CD2AP: variants seen among roughly 807,000 people sequenced by gnomAD.
CD2AP encodes the protein CD2 associated protein.
A neutral mutation model predicts 85.1 loss-of-function variants in CD2AP; 46 were observed. The observed-to-expected ratio is 0.54, with a 90% confidence interval of 0.43 to 0.69. The LOEUF is 0.69. Among genes scored for constraint, CD2AP ranks in the 30% least tolerant of loss-of-function variants. CD2AP has a pLI of 0.00. For missense variants in CD2AP, 769 were observed against 729.5 expected, an observed-to-expected ratio of 1.05 and a Z score of -0.62; for synonymous variants, 255 against 252.9, an observed-to-expected ratio of 1.01 and a Z score of -0.08.
chr6:47,535,740 A>T (rs961914305), intron 3 of CD2AP, among the ~76,000 whole-genome samples: 3 of 152,196 alleles, frequency 2.0e-5, no homozygotes, highest in Non-Finnish European at 2.9e-5. Context: ...GACAAATAAC[A>T]GTTTTATATC....
intron 2 of CD2AP, among the ~76,000 whole-genome samples, chr6:47,529,103 C>T (rs1193473280): frequency 1.3e-5 from 2 of 150,292 alleles, no homozygotes; most frequent in East Asian, 3.9e-4. Flanking sequence ...TTTTCTGACT[C>T]TTTCAGCGTT....
chr6:47,583,576 C>T (rs781227070), intron 11 of CD2AP, among the ~76,000 whole-genome samples: 4 of 152,046 alleles, frequency 2.6e-5, no homozygotes, highest in African/African-American at 7.2e-5. Context: ...AAAATTTCTC[C>T]GTATGTTTTC....
chr6:47,536,006 T>C (rs779043720), intron 3 of CD2AP, among the ~76,000 whole-genome samples: 8 of 152,204 alleles, frequency 5.3e-5, no homozygotes, highest in Non-Finnish European at 1.2e-4. Context: ...TGGATGTAAA[T>C]TCTTTTCTCT....
intron 5 of CD2AP, among the ~76,000 whole-genome samples, chr6:47,566,450 A>G (rs1203995051): frequency 6.6e-6 from 1 of 151,724 alleles, no homozygotes; most frequent in Non-Finnish European, 1.5e-5. Flanking sequence ...CTTTTCAAAC[A>G]CTTTTGTCAA....
intron 11 of CD2AP, among the ~76,000 whole-genome samples, chr6:47,586,312 G>T (rs1255090431): frequency 1.3e-5 from 2 of 152,166 alleles, no homozygotes; most frequent in Non-Finnish European, 1.5e-5. Flanking sequence ...AGTGGAAACT[G>T]CAGAAGAAAA....
intron 12 of CD2AP, among the ~76,000 whole-genome samples, chr6:47,597,333 T>C (rs577440629): frequency 6.6e-6 from 1 of 150,620 alleles, no homozygotes; most frequent in African/African-American, 2.4e-5. Flanking sequence ...GCAGCTGAAC[T>C]CCTCCACTAG....
intron 11 of CD2AP, among the ~76,000 whole-genome samples, chr6:47,594,429 C>T (rs1404465102): frequency 6.6e-6 from 1 of 151,452 alleles, no homozygotes; most frequent in Non-Finnish European, 1.5e-5. Flanking sequence ...TCCATGTATT[C>T]TTTTTTTTAG....
chr6:47,577,802 T>C (rs1320989750), intron 8 of CD2AP, among the ~76,000 whole-genome samples: 1 of 151,878 alleles, frequency 6.6e-6, no homozygotes, highest in Non-Finnish European at 1.5e-5. Context: ...GGTCTCAAAC[T>C]CTTGAGCTCA....
chr6:47,557,724 G>C (rs891171628), intron 5 of CD2AP, among the ~76,000 whole-genome samples: 1 of 152,160 alleles, frequency 6.6e-6, no homozygotes, highest in African/African-American at 2.4e-5. Flanking sequence ...TTTGGTTACT[G>C]TAGCCTTGTA....
Position 47,577,045 on chromosome 6 carries a change from G to T in CD2AP, c.845G>T (p.Gly282Val). 1 of 1,531,130 alleles carries T rather than the reference G, an allele frequency of 6.5e-7. No individual in the cohort carries two copies. Among genetic ancestry groups the T allele is most frequent in the Non-Finnish European group, 9.1e-7 (1 of 1,104,800 alleles). The allele number at this position is 1,531,130 out of a possible 1,614,324, so 94.8% of individuals were successfully genotyped here. A position where few individuals can be genotyped will look rare whatever the true frequency, so the allele number is the denominator to read the frequency against. Residue 282 changes from glycine (G) to valine (V), a missense_variant, in exon 8 of 18, where the codon GGT becomes GTT. Transcript: ENST00000359314. ...TGTAGAACATTATTTGCCTATGAAG[G>T]TACTAATGAAGATGAACTTACTTTT... ...EYCRTLFAYE[G>V]TNEDELTFKE...
intron 4 of CD2AP, 131 bp from the exon 5 acceptor site, chr6:47,554,515 T>G (rs1312735027): frequency 1.1e-5 from 9 of 828,170 alleles, no homozygotes; most frequent in Non-Finnish European, 1.7e-5. Flanking sequence ...TCATTGTGTT[T>G]TAAATTTTAA....
intron 14 of CD2AP, among the ~76,000 whole-genome samples, chr6:47,607,693 A>G (rs940405346): frequency 6.6e-6 from 1 of 152,092 alleles, no homozygotes; most frequent in African/African-American, 2.4e-5. Flanking sequence ...GTACTTTTAA[A>G]ATTACCTAAA....
chr6:47,582,274 G>T (rs889531094), intron 11 of CD2AP: 5 of 478,470 alleles, frequency 1.0e-5, no homozygotes, highest in Non-Finnish European at 1.9e-5. Flanking sequence ...CTATTCAGTA[G>T]GATGTTGTCT....
At chr6:47,599,174 G>GAAAC (rs1769035804) in intron 12 of CD2AP, 127 bp from the exon 13 acceptor site, 8 of 688,200 alleles carry the variant, frequency 1.2e-5, no homozygotes, top group African/African-American at 5.4e-5. Context: ...TGCGTTTATG[G>GAAAC]AAATGGTTTT....
At chr6:47,551,825 A>G (rs1229982962) in intron 4 of CD2AP, among the ~76,000 whole-genome samples, 1 of 152,158 alleles carries the variant, frequency 6.6e-6, no homozygotes, top group Non-Finnish European at 1.5e-5. Flanking sequence ...GTAACTGCCA[A>G]TTGGAGAGCC....
intron 2 of CD2AP, among the ~76,000 whole-genome samples, chr6:47,526,760 T>A (rs1346640947): frequency 6.6e-6 from 1 of 152,202 alleles, no homozygotes; most frequent in East Asian, 1.9e-4. Context: ...GTGCTTGGTC[T>A]CCTGTACTAG....
intron 16 of CD2AP, among the ~76,000 whole-genome samples, chr6:47,611,530 G>T (rs1324906890): frequency 6.6e-6 from 1 of 151,660 alleles, no homozygotes; most frequent in Non-Finnish European, 1.5e-5. Context: ...AGAAATTATT[G>T]CCAAGAAGTT....
intron 9 of CD2AP, 93 bp downstream of exon 9, chr6:47,579,582 A>C (rs2114104656): frequency 2.5e-6 from 2 of 784,806 alleles, no homozygotes; most frequent in East Asian, 2.6e-5. Context: ...TTATTGAATA[A>C]TTTTTATGAA....
intron 2 of CD2AP, among the ~76,000 whole-genome samples, chr6:47,505,019 T>C (rs1432703937): frequency 2.6e-4 from 22 of 83,436 alleles, no homozygotes; most frequent in Admixed American, 1.9e-3. Context: ...TTCTTTTTTT[T>C]TTTTTTTTTT....
Sources: allele counts gnomAD v4.1 joint callset (sites outside exome capture counted in the v4.1 genomes callset), GRCh38; gene constraint gnomAD v4.1.1; transcripts MANE v1.5; gene names NCBI Gene and HGNC (gene_info 2026-07-23, HGNC 2026-07-21).